Variants in MMP26 observed in about 807,000 individuals in gnomAD.
MMP26 encodes matrix metallopeptidase 26.
MMP26 carries 33 observed loss-of-function variants against 31.0 expected under a neutral mutation model. The ratio of observed to expected loss-of-function variants is 1.06; its 90% CI spans 0.81 to 1.42. The LOEUF (loss-of-function observed/expected upper bound fraction) is 1.42. Ranked by LOEUF, MMP26 falls within the 40% of genes most tolerant of loss-of-function variation. The pLI, the probability that MMP26 is intolerant of heterozygous loss-of-function variation, is 0.00. For missense variants in MMP26, 347 were observed against 316.1 expected, an observed-to-expected ratio of 1.10 and a Z score of -0.74; for synonymous variants, 122 against 114.9, an observed-to-expected ratio of 1.06 and a Z score of -0.40.
chr11:4,794,757 G>T (rs1179117226), intron 2 of MMP26, among the ~76,000 whole-genome samples: 2 of 152,176 alleles, frequency 1.3e-5, no homozygotes, highest in Non-Finnish European at 2.9e-5. Context: ...AGCAGGTGCT[G>T]GCTATTAAAG....
At chr11:4,714,469 T>TATCCTC (rs1198467989) in intron 1 of MMP26, among the ~76,000 whole-genome samples, 1 of 152,166 alleles carries the variant, frequency 6.6e-6, no homozygotes, top group Admixed American at 6.5e-5. Context: ...CTGCCATTCT[T>TATCCTC]ATCCTCATCC....
chr11:4,859,115 A>T (rs1341108706), intron 2 of MMP26, among the ~76,000 whole-genome samples: 1 of 152,186 alleles, frequency 6.6e-6, no homozygotes, highest in Non-Finnish European at 1.5e-5. Context: ...AAACCATAAA[A>T]ACCCTAGAAT....
chr11:4,751,760 T>A (rs1589890724), intron 1 of MMP26, among the ~76,000 whole-genome samples: 1 of 152,144 alleles, frequency 6.6e-6, no homozygotes, highest in African/African-American at 2.4e-5. Flanking sequence ...TAATTCAAAG[T>A]GAATCATGTG....
intron 2 of MMP26, among the ~76,000 whole-genome samples, chr11:4,836,179 T>G (rs1204291598): frequency 1.3e-5 from 2 of 152,020 alleles, no homozygotes; most frequent in Non-Finnish European, 2.9e-5. Context: ...TGGGTTTGCT[T>G]TACATCTCAT....
intron 2 of MMP26, chr11:4,915,251 ACATAGTG>A (rs748243899): frequency 6.2e-7 from 1 of 1,614,030 alleles, no homozygotes; most frequent in Admixed American, 1.7e-5. Context: ...GAGAATGGAA[ACATAGTG>A]CAAGGGGTGG....
At chr11:4,969,386 A>C (rs2133629058) in intron 2 of MMP26, among the ~76,000 whole-genome samples, 1 of 152,060 alleles carries the variant, frequency 6.6e-6, no homozygotes, top group East Asian at 1.9e-4. Flanking sequence ...ACAAATATCT[A>C]TTATTAATGA....
chr11:4,739,951 G>A (rs998227002), intron 1 of MMP26, among the ~76,000 whole-genome samples: 4 of 152,024 alleles, frequency 2.6e-5, no homozygotes, highest in Non-Finnish European at 4.4e-5. Context: ...AAGCTTGTGG[G>A]CATTATTTAA....
intron 2 of MMP26, among the ~76,000 whole-genome samples, chr11:4,842,111 A>G (rs1849804614): frequency 6.6e-6 from 1 of 152,204 alleles, no homozygotes. Flanking sequence ...AAAATAAATA[A>G]ATAAAAAATA....
In MMP26 at chr11:4,988,284, G is replaced by C. The variant is rs1387422339; in HGVS notation, c.73G>C (p.Asp25His). Residue 25 changes from aspartate (D) to histidine (H), a missense_variant, in exon 3 of 8, where the codon GAC becomes CAC. Asp to His is a moderately conservative substitution (Grantham distance 81, BLOSUM62 -1). Transcript: ENST00000380390. ...CGCCGTTCCAGTGCCCCCTGCTGCA[G>C]ACCATAAAGGATGGGACTTTGTTGA... ...CFAVPVPPAA[D>H]HKGWDFVEGY... 6.2e-7 allele frequency: 1 copy of C among 1,614,046 alleles called. No homozygotes were observed. Among genetic ancestry groups the C allele is most frequent in the Admixed American group, 1.7e-5 (1 of 60,012 alleles).
intron 2 of MMP26, among the ~76,000 whole-genome samples, chr11:4,812,095 G>A (rs866215098): frequency 2.6e-5 from 4 of 152,120 alleles, no homozygotes; most frequent in African/African-American, 9.7e-5. Flanking sequence ...ATCTGCAATT[G>A]CAGGGTTACA....
intron 2 of MMP26, among the ~76,000 whole-genome samples, chr11:4,803,249 T>C (rs1461015259): frequency 6.6e-6 from 1 of 152,244 alleles, no homozygotes; most frequent in East Asian, 1.9e-4. Context: ...CCATCACATC[T>C]CTCAGGTATC....
At chr11:4,748,332 C>A (rs1848405840) in intron 1 of MMP26, among the ~76,000 whole-genome samples, 1 of 151,828 alleles carries the variant, frequency 6.6e-6, no homozygotes, top group Admixed American at 6.6e-5. Context: ...AATCCAGAAC[C>A]AGATGGATTA....
intron 2 of MMP26, among the ~76,000 whole-genome samples, chr11:4,823,071 T>C (rs1433859245): frequency 2.0e-5 from 3 of 152,142 alleles, no homozygotes; most frequent in African/African-American, 7.2e-5. Flanking sequence ...TTTTGGCTCA[T>C]ATTTATCTCT....
intron 1 of MMP26, among the ~76,000 whole-genome samples, chr11:4,744,285 T>A (rs1252391971): frequency 1.3e-5 from 2 of 152,238 alleles, no homozygotes; most frequent in African/African-American, 4.8e-5. Flanking sequence ...TCTAGTTTTT[T>A]AAAAAATTTA....
Position 4,905,357 on chromosome 11 carries a change from C to G in MMP26, c.-144-82711C>G, listed in dbSNP as rs186789034. 3.3e-3 allele frequency among the ~76,000 whole-genome samples: 497 copies of G among 152,254 alleles called. 3 individuals are homozygous for G. The highest frequency in any genetic ancestry group is 5.7e-3 in the Non-Finnish European group (386 of 67,990). On this transcript the variant is annotated intron_variant, in intron 2 of 7. Transcript: ENST00000380390. ...AGCTATTCACAAGTTGCCAAAATGTCTCTTAGTACCTAGCAAAAGTAAAAT... is the reference window on the plus strand; with the variant it reads ...AGCTATTCACAAGTTGCCAAAATGTGTCTTAGTACCTAGCAAAAGTAAAAT...
At position 4,889,187 on chromosome 11, in the gene MMP26, G is replaced by A. The variant is rs374192829; in HGVS notation, c.-144-98881G>A. ...CTATAGTCATCCCTTGTTATCCATA[G>A]GAAATTGCTTCCAGGACCCCAAGGA... On this transcript the variant is annotated intron_variant, in intron 2 of 7. Transcript: ENST00000380390. Among the ~76,000 whole-genome samples, 106 of 152,182 alleles carry A rather than the reference G, an allele frequency of 7.0e-4. 1 individual carries two copies. In the East Asian group the frequency reaches 8.7e-3, roughly 13 times the overall value.
At chr11:4,899,652 A>G (rs1175905345) in intron 2 of MMP26, among the ~76,000 whole-genome samples, 3 of 152,198 alleles carry the variant, frequency 2.0e-5, no homozygotes, top group South Asian at 2.1e-4. Flanking sequence ...CCATTCCTTC[A>G]TTGTTTATTA....
intron 1 of MMP26, among the ~76,000 whole-genome samples, chr11:4,741,496 C>T (rs988440202): frequency 6.6e-6 from 1 of 152,104 alleles, no homozygotes; most frequent in Non-Finnish European, 1.5e-5. Flanking sequence ...ATGTCCTTTG[C>T]AGGGACATGG....
chr11:4,781,073 A>G (rs998977298), intron 2 of MMP26, among the ~76,000 whole-genome samples: 2 of 152,110 alleles, frequency 1.3e-5, no homozygotes, highest in African/African-American at 4.8e-5. Flanking sequence ...TCTAGAAAAG[A>G]TTAAAGTATA....
Sources: gnomAD v4.1 joint callset for allele counts (sites outside exome capture counted in the v4.1 genomes callset) on GRCh38, gnomAD v4.1.1 for gene constraint, MANE v1.5 for transcripts, NCBI Gene and HGNC (gene_info 2026-07-23, HGNC 2026-07-21) for gene names.